The following TP63 variants were observed in gnomAD, a reference collection of about 807,000 sequenced individuals.
The protein encoded by TP63 is tumor protein 63.
Under a neutral mutation model 82.8 loss-of-function variants are expected in TP63, and 17 were observed. The ratio of observed to expected loss-of-function variants is 0.21; its 90% CI spans 0.14 to 0.31. The LOEUF (loss-of-function observed/expected upper bound fraction) is 0.31, where lower values mean the gene tolerates loss of function less well. TP63 is among the 10% of genes least tolerant of loss of function. TP63 has a pLI of 1.00. For missense variants in TP63, 648 were observed against 895.3 expected, an observed-to-expected ratio of 0.72 and a Z score of 3.52; for synonymous variants, 330 against 321.7, an observed-to-expected ratio of 1.03 and a Z score of -0.28.
rs77621272 is a variant in TP63, at chr3:189,890,107, A to G, written c.1652+623A>G. Among the ~76,000 whole-genome samples the G allele has an allele frequency of 2.2e-3, 329 of 152,304 alleles. 2 individuals carry two copies. The highest frequency in any genetic ancestry group is 3.5e-3 in the Non-Finnish European group (238 of 68,024). ...GGTTCCCAGATTTCTTGCCTAGTGT[A>G]TATCTTCTTCTTCTGCTTCATGTGC... On this transcript the variant is annotated intron_variant, in intron 12 of 13. Coordinates refer to ENST00000264731, the MANE Select transcript of TP63 (RefSeq NM_003722.5).
intron 3 of TP63, among the ~76,000 whole-genome samples, chr3:189,749,712 C>G (rs968585766): frequency 5.9e-5 from 9 of 152,110 alleles, no homozygotes. Context: ...ATCAGTATAT[C>G]AAAAAGGATA....
chr3:189,758,216 G>A lies in TP63; in HGVS notation c.324+19442G>A, dbSNP rs139911629. Among the ~76,000 whole-genome samples, 911 of 152,264 alleles carry A rather than the reference G, an allele frequency of 6.0e-3. 11 individuals are homozygous for A. The highest frequency in any genetic ancestry group is 0.021 in the African/African-American group (876 of 41,542). ...ACGTGAGCAGTTCACAACAGGGTTC[G>A]TGCTCCTATGAGGATCTAATGCCCC... On this transcript the variant is annotated intron_variant, in intron 3 of 13. Transcript: ENST00000264731.
chr3:189,625,261 G>A, the TP63 span, among the ~76,000 whole-genome samples: 1 of 152,116 alleles, frequency 6.6e-6, no homozygotes, highest in Non-Finnish European at 1.5e-5. Flanking sequence ...CTGTTGGTAG[G>A]CGTTAAAAAG....
intron 4 of TP63, among the ~76,000 whole-genome samples, chr3:189,823,065 C>A (rs1728960605): frequency 6.6e-6 from 1 of 152,158 alleles, no homozygotes; most frequent in Non-Finnish European, 1.5e-5. Flanking sequence ...TATTTTGTGA[C>A]CAGAAAGATA....
intron 3 of TP63, among the ~76,000 whole-genome samples, chr3:189,804,483 A>G (rs1224079525): frequency 6.6e-6 from 1 of 152,242 alleles, no homozygotes; most frequent in Non-Finnish European, 1.5e-5. Flanking sequence ...TGCACTGAGC[A>G]CTACAAATTG....
rs111740041 is a variant in TP63 at position 189,849,072 on chromosome 3, A to G, written c.580-15160A>G. 3.4e-3 allele frequency among the ~76,000 whole-genome samples: 525 copies of G among 152,310 alleles called. 1 individual carries two copies. The highest frequency in any genetic ancestry group is 0.012 in the African/African-American group (511 of 41,572). On this transcript the variant is annotated intron_variant, in intron 4 of 13. Coordinates refer to ENST00000264731, the MANE Select transcript of TP63 (RefSeq NM_003722.5). The stretch of plus-strand genomic sequence containing the variant: ...TAATGAAACCTTCATAAAAACCCAA[A>G]AGGACAGGTTTCAGCAAGGTTCAAG...
At chr3:189,655,032 C>T (rs778495785) in intron 1 of TP63, among the ~76,000 whole-genome samples, 20 of 152,034 alleles carry the variant, frequency 1.3e-4, no homozygotes, top group Non-Finnish European at 2.1e-4. Context: ...TCTTGATCAT[C>T]GGTTAGAAAG....
chr3:189,642,978 A>AATTTATTTATTT (rs202072069), intron 1 of TP63, among the ~76,000 whole-genome samples: 15,224 of 137,556 alleles, frequency 0.11, 947 homozygotes, highest in Middle Eastern at 0.24. Context: ...CAGACAGCCA[A>AATTTATTTATTT]ATTTATTTAT....
chr3:189,886,280 T>A (rs1268446288), intron 10 of TP63, 114 bp from the exon 11 acceptor site: 22 of 1,192,866 alleles, frequency 1.8e-5, no homozygotes, highest in Non-Finnish European at 2.6e-5. Flanking sequence ...CCTAGAAGAA[T>A]GTTTTCAAAT....
At chr3:189,705,667 C>A (rs1382314615) in intron 1 of TP63, among the ~76,000 whole-genome samples, 1 of 151,826 alleles carries the variant, frequency 6.6e-6, no homozygotes, top group Non-Finnish European at 1.5e-5. Context: ...ATAATATATA[C>A]TTTTATATTT....
At chr3:189,749,661 T>C (rs902413795) in intron 3 of TP63, among the ~76,000 whole-genome samples, 2 of 151,932 alleles carry the variant, frequency 1.3e-5, no homozygotes, top group African/African-American at 4.8e-5. Flanking sequence ...TACTGTAAAA[T>C]CCAGAAATCC....
chr3:189,894,654 A>G lies in TP63; in HGVS notation c.*152A>G. On this transcript the variant is annotated 3_prime_UTR_variant, in exon 14 of 14. Transcript: ENST00000264731. ...AGAAGTAAGAGGCTACCTCTTACCT[A>G]ACATCTGACCTGGCATCTAATTCTG... The G allele has an allele frequency of 1.1e-6, 1 of 890,744 alleles. No homozygotes were observed. Among genetic ancestry groups the G allele is most frequent in the Non-Finnish European group, 1.7e-6 (1 of 584,796 alleles). The allele number at this position is 890,744 out of a possible 1,614,324, so 55.2% of individuals were successfully genotyped here. A position where few individuals can be genotyped will look rare whatever the true frequency, so the allele number is the denominator to read the frequency against.
chr3:189,720,829 G>A (rs1374673628), intron 1 of TP63, among the ~76,000 whole-genome samples: 1 of 151,574 alleles, frequency 6.6e-6, no homozygotes, highest in Non-Finnish European at 1.5e-5. Context: ...TCATTATCCA[G>A]CATCTCCTAA....
chr3:189,617,168 G>A, the TP63 span, among the ~76,000 whole-genome samples: 1 of 152,134 alleles, frequency 6.6e-6, no homozygotes, highest in South Asian at 2.1e-4. Flanking sequence ...TCTTATCAAG[G>A]CCTCCTGTAT....
At chr3:189,885,526 T>C (rs1324963963) in intron 10 of TP63, among the ~76,000 whole-genome samples, 2 of 152,248 alleles carry the variant, frequency 1.3e-5, no homozygotes, top group Non-Finnish European at 2.9e-5. Flanking sequence ...AGGCTTCATC[T>C]CTGACTTTGT....
intron 1 of TP63, among the ~76,000 whole-genome samples, chr3:189,686,989 C>T (rs1181491396): frequency 6.6e-6 from 1 of 152,006 alleles, no homozygotes; most frequent in Non-Finnish European, 1.5e-5. Flanking sequence ...TCAGCCTCCC[C>T]AAGTACTGGG....
At chr3:189,713,407 T>G (rs891048500) in intron 1 of TP63, among the ~76,000 whole-genome samples, 6 of 152,154 alleles carry the variant, frequency 3.9e-5, no homozygotes, top group African/African-American at 1.4e-4. Context: ...GGTCCTTGAG[T>G]TTTTGGATAA....
intron 3 of TP63, among the ~76,000 whole-genome samples, chr3:189,787,708 A>C (rs1319243665): frequency 6.6e-6 from 1 of 152,038 alleles, no homozygotes; most frequent in African/African-American, 2.4e-5. Context: ...AGGTGTTCAA[A>C]TGGCTACATG....
At chr3:189,700,323 A>C (rs1402449016) in intron 1 of TP63, among the ~76,000 whole-genome samples, 3 of 152,182 alleles carry the variant, frequency 2.0e-5, no homozygotes, top group Non-Finnish European at 4.4e-5. Context: ...TGGTGCCATC[A>C]TTCATAGATT....
Sources: gnomAD v4.1 joint callset for allele counts (sites outside exome capture counted in the v4.1 genomes callset) on GRCh38, gnomAD v4.1.1 for gene constraint, MANE v1.5 for transcripts, NCBI Gene and HGNC (gene_info 2026-07-23, HGNC 2026-07-21) for gene names.